Variants in PPP3CA observed in about 807,000 individuals in gnomAD.
PPP3CA encodes the protein protein phosphatase 3 catalytic subunit alpha, also known as CAM-PRP catalytic subunit.
PPP3CA carries 14 observed loss-of-function variants against 66.5 expected under a neutral mutation model. The observed-to-expected ratio is 0.21, with a 90% CI of 0.14 to 0.33. PPP3CA has a LOEUF of 0.33. Ranked by LOEUF, PPP3CA falls within the 10% of genes least tolerant of loss-of-function variation. The pLI, the probability that PPP3CA is intolerant of heterozygous loss-of-function variation, is 1.00. For synonymous variants in PPP3CA, 232 were observed against 226.2 expected (o/e 1.03, Z -0.23); for missense variants, 317 against 639.5 (o/e 0.50, Z 5.44).
At chr4:101,327,054 T>C (rs968389465) in intron 1 of PPP3CA, among the ~76,000 whole-genome samples, 12 of 152,334 alleles carry the variant, frequency 7.9e-5, no homozygotes, top group Admixed American at 4.6e-4. Flanking sequence ...AAAATCTCAC[T>C]GTCGGAAACC....
intron 2 of PPP3CA, among the ~76,000 whole-genome samples, chr4:101,164,981 A>C (rs1045509182): frequency 1.3e-5 from 2 of 152,116 alleles, no homozygotes; most frequent in African/African-American, 4.8e-5. Context: ...TAATCTAGTG[A>C]TTAGCACTGA....
chr4:101,091,485 CCT>C lies in PPP3CA; in HGVS notation c.782+2289_782+2290del, dbSNP rs568596277. On this transcript the variant is annotated intron_variant, in intron 6 of 13. Coordinates refer to ENST00000394854, the MANE Select transcript of PPP3CA (RefSeq NM_000944.5). ...TTAAAATAAATATGCTTAGAACAAACCTCTCTGTTAATATTCATATAAAGAAA... is the reference window on the plus strand; with the variant it reads ...TTAAAATAAATATGCTTAGAACAAACCTCTGTTAATATTCATATAAAGAAA... Among the ~76,000 whole-genome samples the C allele has an allele frequency of 1.8e-3, 273 of 152,102 alleles. 3 individuals are homozygous for C. Among genetic ancestry groups the C allele is most frequent in the African/African-American group, 6.1e-3 (253 of 41,520 alleles).
intron 2 of PPP3CA, among the ~76,000 whole-genome samples, chr4:101,180,190 C>A (rs915628231): frequency 7.9e-5 from 12 of 152,232 alleles, no homozygotes; most frequent in Admixed American, 6.6e-4. Context: ...TGGAACAGTC[C>A]TGGATTAAAT....
intron 2 of PPP3CA, among the ~76,000 whole-genome samples, chr4:101,116,562 C>T (rs2659546): frequency 0.13 from 19,947 of 151,598 alleles, 2,164 homozygotes; most frequent in African/African-American, 0.29. Flanking sequence ...GTTATGGAAC[C>T]ATAAGTGGAT....
At chr4:101,115,191 G>A (rs1017928353) in intron 2 of PPP3CA, among the ~76,000 whole-genome samples, 14 of 152,026 alleles carry the variant, frequency 9.2e-5, no homozygotes, top group African/African-American at 3.4e-4. Flanking sequence ...TACACAAACT[G>A]AACAATGAAT....
At chr4:101,026,208 C>T (rs1425438716) in intron 13 of PPP3CA, 147 bp from the exon 14 acceptor site, 2 of 614,686 alleles carry the variant, frequency 3.3e-6, no homozygotes, top group South Asian at 2.4e-5. Flanking sequence ...GCACACCACA[C>T]AACAGACTCC....
At chr4:101,208,543 A>ATCCTATCCT (rs1372473437) in intron 1 of PPP3CA, among the ~76,000 whole-genome samples, 1 of 152,224 alleles carries the variant, frequency 6.6e-6, no homozygotes, top group South Asian at 2.1e-4. Context: ...AGTCCTAAGG[A>ATCCTATCCT]ACATCAGGGG....
chr4:101,162,436 C>A (rs546051079), intron 2 of PPP3CA, among the ~76,000 whole-genome samples: 97 of 150,674 alleles, frequency 6.4e-4, no homozygotes, highest in African/African-American at 2.2e-3. Context: ...GAGGCTGAGG[C>A]AGAGAATTGC....
chr4:101,197,630 A>G (rs542201858), intron 1 of PPP3CA, among the ~76,000 whole-genome samples: 1 of 152,230 alleles, frequency 6.6e-6, no homozygotes, highest in Non-Finnish European at 1.5e-5. Flanking sequence ...TAACAGTAGT[A>G]GCTAATATTT....
chr4:101,110,908 A>G (rs926015284), intron 2 of PPP3CA, among the ~76,000 whole-genome samples: 4 of 151,902 alleles, frequency 2.6e-5, no homozygotes, highest in Non-Finnish European at 5.9e-5. Context: ...AAATAGTAAA[A>G]CACTTCTTAA....
At chr4:101,032,749 C>CTTGGCT (rs1727039990) in intron 11 of PPP3CA, among the ~76,000 whole-genome samples, 1 of 151,272 alleles carries the variant, frequency 6.6e-6, no homozygotes, top group Non-Finnish European at 1.5e-5. Flanking sequence ...CAAGGCTCAG[C>CTTGGCT]AAAAATAAGG....
intron 1 of PPP3CA, among the ~76,000 whole-genome samples, chr4:101,295,083 T>C (rs1003207248): frequency 6.6e-6 from 1 of 150,634 alleles, no homozygotes; most frequent in South Asian, 2.1e-4. Context: ...GGGTGGATCA[T>C]GAGGTCAGGA....
At chr4:101,237,624 G>T (rs971173460) in intron 1 of PPP3CA, among the ~76,000 whole-genome samples, 1 of 151,978 alleles carries the variant, frequency 6.6e-6, no homozygotes, top group African/African-American at 2.4e-5. Context: ...CCACAAGCTT[G>T]CTTTAATTCG....
intron 8 of PPP3CA, among the ~76,000 whole-genome samples, chr4:101,063,877 A>G (rs1011285542): frequency 6.6e-6 from 1 of 151,984 alleles, no homozygotes; most frequent in Non-Finnish European, 1.5e-5. Flanking sequence ...TATGGGGTGC[A>G]TAGTGATGTT....
At chr4:101,109,155 G>A in intron 2 of PPP3CA, 77 bp from the exon 3 acceptor site, 5 of 1,410,004 alleles carry the variant, frequency 3.5e-6, no homozygotes, top group Non-Finnish European at 4.9e-6. Context: ...CAAAATTTTA[G>A]AACCAGAATT....
At chr4:101,148,187 G>A in intron 2 of PPP3CA, among the ~76,000 whole-genome samples, 1 of 151,516 alleles carries the variant, frequency 6.6e-6, no homozygotes, top group Non-Finnish European at 1.5e-5. Context: ...AATGTACTTG[G>A]AAAAAAAATG....
At chr4:101,056,480 A>G (rs1312746084) in intron 10 of PPP3CA, among the ~76,000 whole-genome samples, 1 of 152,174 alleles carries the variant, frequency 6.6e-6, no homozygotes, top group Non-Finnish European at 1.5e-5. Context: ...TATAGGCACT[A>G]CAGACACTAA....
At chr4:101,206,057 C>T (rs565132841) in intron 1 of PPP3CA, among the ~76,000 whole-genome samples, 2 of 152,286 alleles carry the variant, frequency 1.3e-5, no homozygotes, top group East Asian at 3.9e-4. Context: ...AAACATCAGG[C>T]CCTCTGGGTC....
intron 11 of PPP3CA, among the ~76,000 whole-genome samples, chr4:101,035,832 A>G (rs1276507994): frequency 6.6e-6 from 1 of 152,150 alleles, no homozygotes; most frequent in African/African-American, 2.4e-5. Context: ...CTCTGCAGTA[A>G]TTTCCTCTGA....
Sources: allele counts gnomAD v4.1 joint callset (sites outside exome capture counted in the v4.1 genomes callset), GRCh38; gene constraint gnomAD v4.1.1; transcripts MANE v1.5; gene names NCBI Gene and HGNC (gene_info 2026-07-23, HGNC 2026-07-21).